C18orf54: variants seen among roughly 807,000 people sequenced by gnomAD.
The protein encoded by C18orf54 is lung adenoma susceptibility protein 2.
A neutral mutation model predicts 49.3 loss-of-function variants in C18orf54; 49 were observed. The ratio of observed to expected loss-of-function variants is 0.99; its 90% CI spans 0.79 to 1.26. The LOEUF is 1.26. C18orf54 is among the 50% of genes most tolerant of loss of function. C18orf54 has a pLI of 0.00. For missense variants in C18orf54, 687 were observed against 620.6 expected, an observed-to-expected ratio of 1.11 and a Z score of -1.14; for synonymous variants, 211 against 216.6, an observed-to-expected ratio of 0.97 and a Z score of 0.23.
Position 54,372,525 on chromosome 18 carries a change from A to G in C18orf54, c.1386A>G (p.Leu462=). 6.2e-7 allele frequency: 1 copy of G among 1,611,334 alleles called. No homozygotes were observed. The highest frequency in any genetic ancestry group is 8.5e-7 in the Non-Finnish European group (1 of 1,178,098). Reference sequence around the variant, plus strand: ...CTGTTGAAGCCCTGAAACAAATGTTATTTAACCTTCAAGCAGTACAAGAAC... The same window carrying G: ...CTGTTGAAGCCCTGAAACAAATGTTGTTTAACCTTCAAGCAGTACAAGAAC... The part of the protein sequence containing the change: ...HGPVEALKQM[L]FNLQAVQERF... Residue 462 remains leucine (L), a synonymous_variant, in exon 7 of 9, where the codon TTA becomes TTG. Transcript: ENST00000620105.
intron 7 of C18orf54, among the ~76,000 whole-genome samples, chr18:54,373,477 A>T (rs570661066): frequency 6.6e-6 from 1 of 151,970 alleles, no homozygotes; most frequent in East Asian, 1.9e-4. Flanking sequence ...CATGTTGTAC[A>T]ATAGATCTCT....
rs1005395052 is a variant in C18orf54, at chr18:54,358,803, A to T, written c.-114A>T. The T allele has an allele frequency of 6.6e-6, 1 of 152,288 alleles. No individual in the cohort carries two copies. Among genetic ancestry groups the T allele is most frequent in the Non-Finnish European group, 1.5e-5 (1 of 68,058 alleles). 9.4% of individuals were successfully genotyped at this position (152,288 alleles called of 1,614,324 possible). A position where few individuals can be genotyped will look rare whatever the true frequency, so the allele number is the denominator to read the frequency against. ...TTAAAATTTGTTGTCAATAAGTTTA[A>T]CATTCTGTTCTTCCGCGTGATGGAT... On this transcript the variant is annotated 5_prime_UTR_variant, in exon 2 of 9. Coordinates refer to ENST00000620105, the MANE Select transcript of C18orf54 (RefSeq NM_001288980.2).
intron 8 of C18orf54, among the ~76,000 whole-genome samples, chr18:54,375,622 G>T (rs1000875542): frequency 6.6e-6 from 1 of 151,490 alleles, no homozygotes; most frequent in Non-Finnish European, 1.5e-5. Flanking sequence ...ACTAACAGTG[G>T]ATTGTAAGTC....
intron 4 of C18orf54, 115 bp from the exon 5 acceptor site, chr18:54,362,656 G>T: frequency 9.9e-7 from 1 of 1,008,870 alleles, no homozygotes; most frequent in Non-Finnish European, 1.4e-6. Context: ...ATAATTTGCT[G>T]TTATAGATGA....
In C18orf54 at chr18:54,372,482, G is replaced by A; in HGVS notation, c.1343G>A (p.Gly448Glu). 6.2e-7 allele frequency: 1 copy of A among 1,608,576 alleles called. No individual in the cohort carries two copies. Among genetic ancestry groups the A allele is most frequent in the Non-Finnish European group, 8.5e-7 (1 of 1,177,032 alleles). ...TAACCTTAGAGCTGTACTCTCTCTG[G>A]AGGCAAACATCATGGTCCTGTTGAA... Reference protein sequence around the residue: ...NNDNQSCTLSGGKHHGPVEAL... With the variant: ...NNDNQSCTLSEGKHHGPVEAL... The change falls in exon 7 of 9, where the codon GGA becomes GAA. Residue 448 changes from glycine (G) to glutamate (E), a missense_variant. Gly to Glu is a moderately conservative substitution (Grantham distance 98). Transcript: ENST00000620105.
rs146038758 is a variant in C18orf54, at chr18:54,367,732, G to A, written c.1326+1911G>A. On this transcript the variant is annotated intron_variant, in intron 6 of 8. Transcript: ENST00000620105. Reference sequence around the variant, plus strand: ...GGGGGCCATTGAGCTTACTGGATTTGGATGTCATATGTATTCCCAGACGTG... The same window carrying A: ...GGGGGCCATTGAGCTTACTGGATTTAGATGTCATATGTATTCCCAGACGTG... Among the ~76,000 whole-genome samples the A allele has an allele frequency of 4.6e-5, 7 of 152,158 alleles. No individual in the cohort carries two copies. The East Asian group carries it at 1.4e-3, about 29-fold the overall frequency.
chr18:54,361,377 A>G (rs2089265956), intron 3 of C18orf54, among the ~76,000 whole-genome samples: 1 of 152,190 alleles, frequency 6.6e-6, no homozygotes, highest in Non-Finnish European at 1.5e-5. Context: ...TGTCTAGATG[A>G]TGAAAGTTGA....
In C18orf54 at chr18:54,379,615, A is replaced by T. The variant is rs1300634131; in HGVS notation, c.*1369A>T. The T allele has an allele frequency of 6.6e-6, 1 of 151,364 alleles. No individual in the cohort carries two copies. The allele number at this position is 151,364 out of a possible 1,614,324, so 9.4% of individuals were successfully genotyped here. On this transcript the variant is annotated 3_prime_UTR_variant, in exon 9 of 9. Transcript: ENST00000620105. ...CTATGGAGATGTTTTTACCACTGAC[A>T]CTGTTTTCTGATTATAGTCTGCTTC...
chr18:54,373,548 C>G (rs2089523917), intron 7 of C18orf54, among the ~76,000 whole-genome samples: 1 of 151,838 alleles, frequency 6.6e-6, no homozygotes, highest in Non-Finnish European at 1.5e-5. Flanking sequence ...CTCTGCAACT[C>G]CCGTCCCCAC....
rs73476848 is a variant in C18orf54, at chr18:54,374,701, A to G, written c.1529+417A>G. On this transcript the variant is annotated intron_variant, in intron 8 of 8. Transcript: ENST00000620105. ...CTAAAGTAGATATAATGACCTGGAT[A>G]TAAAGATAGGTCTAATTTTCTTAGT... Among the ~76,000 whole-genome samples the G allele has an allele frequency of 3.9e-3, 594 of 152,034 alleles. 5 individuals are homozygous for G. The highest frequency in any genetic ancestry group is 0.014 in the African/African-American group (570 of 41,564).
At chr18:54,358,394 C>A (rs2089190935) in intron 1 of C18orf54, among the ~76,000 whole-genome samples, 1 of 152,010 alleles carries the variant, frequency 6.6e-6, no homozygotes, top group Admixed American at 6.6e-5. Flanking sequence ...GCTGTCGCTT[C>A]GGAACACTTC....
At chr18:54,366,765 T>C (rs1382317428) in intron 6 of C18orf54, among the ~76,000 whole-genome samples, 2 of 151,884 alleles carry the variant, frequency 1.3e-5, no homozygotes, top group African/African-American at 4.8e-5. Flanking sequence ...CTTATACCTG[T>C]AATACTAACA....
At chr18:54,370,158 TC>T (rs2089460788) in intron 6 of C18orf54, among the ~76,000 whole-genome samples, 1 of 151,776 alleles carries the variant, frequency 6.6e-6, no homozygotes, top group Non-Finnish European at 1.5e-5. Context: ...GCGCCTTTAG[TC>T]CCAGCTACTT....
Position 54,378,420 on chromosome 18 carries a change from ATCTT to A in C18orf54, c.*176_*179del, listed in dbSNP as rs1328542919. On this transcript the variant is annotated 3_prime_UTR_variant, in exon 9 of 9. Coordinates refer to ENST00000620105, the MANE Select transcript of C18orf54 (RefSeq NM_001288980.2). ...AAAATACCCATAGGTTTTGGGACCT[ATCTT>A]TATTTTGTGCCAACATACTAGAATG... is the stretch of plus-strand genomic sequence containing the variant. The A allele has an allele frequency of 3.9e-6, 2 of 507,142 alleles. No homozygotes were observed. Among genetic ancestry groups the A allele is most frequent in the Non-Finnish European group, 6.7e-6 (2 of 297,122 alleles). 31.4% of individuals were successfully genotyped at this position (507,142 alleles called of 1,614,324 possible).
Position 54,379,979 on chromosome 18 carries a change from G to A in C18orf54, c.*1733G>A, listed in dbSNP as rs771074261. 5 of 152,030 alleles carry A rather than the reference G, an allele frequency of 3.3e-5. No homozygotes were observed. Among genetic ancestry groups the A allele is most frequent in the Non-Finnish European group, 7.4e-5 (5 of 67,926 alleles). 9.4% of individuals were successfully genotyped at this position (152,030 alleles called of 1,614,324 possible). ...AGCCTGTTCTAAAATCTTATAGCCA[G>A]TATTTTAAGAAACTTGATTATACTT... On this transcript the variant is annotated 3_prime_UTR_variant, in exon 9 of 9. Coordinates refer to ENST00000620105, the MANE Select transcript of C18orf54 (RefSeq NM_001288980.2).
intron 6 of C18orf54, among the ~76,000 whole-genome samples, chr18:54,371,253 G>A (rs2089482209): frequency 1.3e-5 from 2 of 152,034 alleles, no homozygotes; most frequent in East Asian, 1.9e-4. Context: ...GTATCTTGTT[G>A]TGACTGGCTT....
Position 54,360,707 on chromosome 18 carries a change from C to T in C18orf54, c.135C>T (p.Tyr45=). The T allele has an allele frequency of 1.2e-6, 2 of 1,614,050 alleles. No homozygotes were observed. The highest frequency in any genetic ancestry group is 1.7e-6 in the Non-Finnish European group (2 of 1,179,946). ...CGTTTCACTATAAAGATAAGCTGTA[C>T]AGATCTGCTTCTCAAGCTCTACAGG... ...DGSFHYKDKL[Y]RSASQALQAY... is the part of the protein sequence containing the mutation. The change falls in exon 3 of 9, where the codon TAC becomes TAT. Residue 45 remains tyrosine, a synonymous_variant. Transcript: ENST00000620105.
chr18:54,361,505 T>C, intron 3 of C18orf54, 138 bp from the exon 4 acceptor site: 1 of 714,134 alleles, frequency 1.4e-6, no homozygotes, highest in Non-Finnish European at 2.2e-6. Flanking sequence ...CACCTACACC[T>C]TTTTATGCTT....
At chr18:54,375,181 G>A (rs1487769914) in intron 8 of C18orf54, among the ~76,000 whole-genome samples, 1 of 151,864 alleles carries the variant, frequency 6.6e-6, no homozygotes, top group Non-Finnish European at 1.5e-5. Context: ...AATAATGATA[G>A]TAATAGCTAA....
Sources: gnomAD v4.1 joint callset for allele counts (sites outside exome capture counted in the v4.1 genomes callset) on GRCh38, gnomAD v4.1.1 for gene constraint, MANE v1.5 for transcripts, NCBI Gene and HGNC (gene_info 2026-07-23, HGNC 2026-07-21) for gene names.